ZNF3: variants seen among roughly 807,000 people sequenced by gnomAD.
The protein encoded by ZNF3 is zinc finger protein 3, also known as C2-H2 type zinc finger protein.
In ZNF3, 16 loss-of-function variants were observed where a neutral mutation model predicts 36.9. The observed-to-expected ratio is 0.43, with a 90% CI of 0.29 to 0.66. The LOEUF (loss-of-function observed/expected upper bound fraction) is 0.66, where lower values mean the gene tolerates loss of function less well. ZNF3 is among the 30% of genes least tolerant of loss of function. The probability of loss-of-function intolerance (pLI) is 0.13; values close to 1 mark genes in which losing one functional copy is unlikely to be tolerated. For synonymous variants in ZNF3, 201 were observed against 201.9 expected, an observed-to-expected ratio of 1.00 and a Z score of 0.04; for missense variants, 462 against 543.1, an observed-to-expected ratio of 0.85 and a Z score of 1.48.
At chr7:100,067,037 C>A (rs1417714613), downstream of ZNF3, among the ~76,000 whole-genome samples, 1 of 150,094 alleles carries the variant, frequency 6.7e-6, no homozygotes, top group African/African-American at 2.5e-5. Flanking sequence ...GATTCCATCT[C>A]AAAAAAAAAT....
chr7:100,073,880 G>A (rs1201164705), intron 5 of ZNF3, among the ~76,000 whole-genome samples: 1 of 151,818 alleles, frequency 6.6e-6, no homozygotes, highest in East Asian at 2.0e-4. Flanking sequence ...ATTTGGCCAG[G>A]CGCGGTGGCT....
intron 5 of ZNF3, 135 bp from the exon 6 acceptor site, chr7:100,072,347 G>T: frequency 1.2e-6 from 1 of 801,176 alleles, no homozygotes; most frequent in Non-Finnish European, 1.9e-6. Flanking sequence ...CCACATGTGT[G>T]CGGCTAAGGC....
chr7:100,069,131 ATTTT>A, downstream of ZNF3, among the ~76,000 whole-genome samples: 1 of 147,490 alleles, frequency 6.8e-6, no homozygotes, highest in South Asian at 2.1e-4. Flanking sequence ...CTCAGCCCTA[ATTTT>A]TTTTTTTTAA....
At chr7:100,068,100 C>T (rs1792737052), downstream of ZNF3, among the ~76,000 whole-genome samples, 1 of 151,962 alleles carries the variant, frequency 6.6e-6, no homozygotes, top group Non-Finnish European at 1.5e-5. Context: ...TTTTTTTCTT[C>T]TTCTTCGAGA....
chr7:100,078,445 G>A (rs1356961133), intron 2 of ZNF3, among the ~76,000 whole-genome samples: 8 of 149,138 alleles, frequency 5.4e-5, no homozygotes, highest in Admixed American at 3.4e-4. Flanking sequence ...GCAGTGAGCC[G>A]AGATCACGCC....
In ZNF3 at chr7:100,070,171, T is replaced by TG. The variant is rs1792904460; in HGVS notation, c.*971_*972insC. 4.1e-6 allele frequency: 4 copies of TG among 985,026 alleles called. No individual in the cohort carries two copies. The highest frequency in any genetic ancestry group is 4.7e-5 in the South Asian group (1 of 21,268). The allele number at this position is 985,026 out of a possible 1,614,324, so 61.0% of individuals were successfully genotyped here. ...CTTCGTTTTTTTGTTTTTTTGTTTT[T>TG]TTTTTCTCCCTTTTGGGCTTTGCTC... On this transcript the variant is annotated 3_prime_UTR_variant, in exon 6 of 6. Transcript: ENST00000299667.
downstream of ZNF3, among the ~76,000 whole-genome samples, chr7:100,069,712 C>G (rs947563965): frequency 2.0e-5 from 3 of 151,916 alleles, no homozygotes; most frequent in Non-Finnish European, 2.9e-5. Context: ...CTCCCGGGTT[C>G]AAGTAGTTCT....
At chr7:100,064,515 G>A (rs868192226) in exon 6 of ZNF3, 1 of 1,614,050 alleles carries the variant, frequency 6.2e-7, no homozygotes, top group African/African-American at 1.3e-5. Context: ...TCCACACCGG[G>A]GAAAAGCCCT....
chr7:100,068,211 C>T (rs6950205), downstream of ZNF3, among the ~76,000 whole-genome samples: 42,451 of 151,842 alleles, frequency 0.28, 6,076 homozygotes, highest in East Asian at 0.4. Flanking sequence ...CTCAGCCTCC[C>T]GAGTAGCTGG....
At chr7:100,080,208 A>G (rs1026181899) in intron 1 of ZNF3, among the ~76,000 whole-genome samples, 3 of 152,206 alleles carry the variant, frequency 2.0e-5, no homozygotes, top group African/African-American at 7.2e-5. Flanking sequence ...CTTGCTAGAC[A>G]CTGTGCTCCG....
At chr7:100,076,705 T>G (rs891869994) in intron 3 of ZNF3, among the ~76,000 whole-genome samples, 8 of 152,306 alleles carry the variant, frequency 5.3e-5, no homozygotes, top group Non-Finnish European at 2.9e-5. Context: ...AAACTATGCC[T>G]ATGAAGTCGG....
chr7:100,064,138 A>C, exon 6 of ZNF3: 1 of 1,614,216 alleles, frequency 6.2e-7, no homozygotes, highest in Non-Finnish European at 8.5e-7. Flanking sequence ...GAAAGCTTTC[A>C]GCCACAGCTC....
exon 6 of ZNF3, chr7:100,064,816 G>A (rs748091707): frequency 2.6e-5 from 42 of 1,614,026 alleles, no homozygotes; most frequent in East Asian, 8.9e-5. Flanking sequence ...TTCCACACTC[G>A]CCAGTTCACT....
At chr7:100,077,225 G>C in intron 3 of ZNF3, 78 bp downstream of exon 3, 1 of 1,572,854 alleles carries the variant, frequency 6.4e-7, no homozygotes. Flanking sequence ...AGTTAGCCTA[G>C]TACCTGGTAA....
downstream of ZNF3, among the ~76,000 whole-genome samples, chr7:100,067,629 T>C (rs1302267666): frequency 9.2e-5 from 14 of 151,954 alleles, no homozygotes; most frequent in Admixed American, 9.2e-4. Context: ...CTTGAACTCC[T>C]GAGTTCAAGC....
downstream of ZNF3, chr7:100,063,882 C>T (rs376989058): frequency 2.4e-5 from 38 of 1,613,964 alleles, no homozygotes; most frequent in African/African-American, 5.3e-5. Context: ...CTGTGATTAT[C>T]GCCAATAAAC....
At chr7:100,072,338 C>A (rs1793317046) in intron 5 of ZNF3, 126 bp from the exon 6 acceptor site, 31 of 877,260 alleles carry the variant, frequency 3.5e-5, no homozygotes, top group Non-Finnish European at 5.1e-5. Context: ...AGGCCTGCCC[C>A]ACATGTGTGC....
intron 3 of ZNF3, chr7:100,077,078 A>G: frequency 2.0e-6 from 1 of 495,110 alleles, no homozygotes; most frequent in South Asian, 2.2e-5. Flanking sequence ...CTCAAAAAAA[A>G]CAAAACAAAA....
At chr7:100,064,471 A>C in exon 6 of ZNF3, 1 of 1,614,016 alleles carries the variant, frequency 6.2e-7, no homozygotes, top group African/African-American at 1.3e-5. Flanking sequence ...GAAAGCCTTC[A>C]ACCACAGCTC....
Sources: allele counts gnomAD v4.1 joint callset (sites outside exome capture counted in the v4.1 genomes callset), GRCh38; gene constraint gnomAD v4.1.1; transcripts MANE v1.5; gene names NCBI Gene and HGNC (gene_info 2026-07-23, HGNC 2026-07-21).